The following GCFC2 variants were observed in gnomAD, a reference collection of about 807,000 sequenced individuals.
GCFC2 encodes GC-rich sequence DNA-binding factor 2, also known as intron Large complex component GCFC2.
GCFC2 carries 102 observed loss-of-function variants against 99.4 expected under a neutral mutation model. The observed-to-expected ratio is 1.03, with a 90% confidence interval of 0.87 to 1.21. GCFC2 has a LOEUF of 1.21. GCFC2 is among the 50% of genes most tolerant of loss of function. GCFC2 has a pLI of 0.00. For synonymous variants in GCFC2, 338 were observed against 316.8 expected, an observed-to-expected ratio of 1.07 and a Z score of -0.71; for missense variants, 973 against 920.9, an observed-to-expected ratio of 1.06 and a Z score of -0.73.
chr2:75,693,331 T>C (rs1680171056), intron 6 of GCFC2, among the ~76,000 whole-genome samples: 1 of 152,100 alleles, frequency 6.6e-6, no homozygotes, highest in Non-Finnish European at 1.5e-5. Flanking sequence ...TCCCAGCTAC[T>C]TGGGAGGCTG....
At chr2:75,706,699 A>C in intron 1 of GCFC2, 48 bp from the exon 2 acceptor site, 2 of 1,318,646 alleles carry the variant, frequency 1.5e-6, no homozygotes, top group Non-Finnish European at 2.2e-6. Context: ...AAAATAATGG[A>C]ATTATTAATT....
chr2:75,690,391 T>C, intron 8 of GCFC2: 1 of 509,570 alleles, frequency 2.0e-6, no homozygotes, highest in East Asian at 3.5e-5. Flanking sequence ...AGGACCGGTT[T>C]CTAGTTACAA....
At chr2:75,690,905 G>A (rs1182255948) in intron 7 of GCFC2, 186 bp from the exon 8 acceptor site, 6 of 465,616 alleles carry the variant, frequency 1.3e-5, no homozygotes, top group Admixed American at 1.3e-4. Context: ...AATATTAACA[G>A]GCATGAGGTT....
At chr2:75,672,758 A>T (rs1272589550) in intron 13 of GCFC2, among the ~76,000 whole-genome samples, 1 of 152,198 alleles carries the variant, frequency 6.6e-6, no homozygotes, top group East Asian at 1.9e-4. Context: ...ATATCCTGTG[A>T]GGTAGGCACT....
In GCFC2 at chr2:75,710,817, C is replaced by A. The variant is rs527397771; in HGVS notation, c.39G>T (p.Ala13=). The stretch of plus-strand genomic sequence containing the variant: ...CGCCATCGCTGTCGCTGGAATCAGC[C>A]GCGCGCTGCCGAAAAGTCCTTTTCG... ...HRPKRTFRQR[A]ADSSDSDGAE... The change falls in exon 1 of 17, where the codon GCG becomes GCT. Residue 13 remains alanine, a synonymous_variant. Transcript: ENST00000321027. The A allele has an allele frequency of 8.9e-6, 14 of 1,576,650 alleles. No individual in the cohort carries two copies. The Admixed American group carries it at 1.4e-4, about 16-fold the overall frequency.
chr2:75,690,143 C>A lies in GCFC2; in HGVS notation c.1227-62G>T, dbSNP rs575917831. 33 of 916,246 alleles carry A rather than the reference C, an allele frequency of 3.6e-5. No individual in the cohort carries two copies. The South Asian group carries it at 4.4e-4, about 12-fold the overall frequency. The allele number at this position is 916,246 out of a possible 1,614,324, so 56.8% of individuals were successfully genotyped here. On this transcript the variant is annotated intron_variant, in intron 8 of 16. Coordinates refer to ENST00000321027, the MANE Select transcript of GCFC2 (RefSeq NM_003203.5). Reference sequence around the variant, plus strand: ...AAGTAGTTCTTGCTGAAAATAAATGCCTAAATTTTTTTTAACCTCTTGCTG... The same window carrying A: ...AAGTAGTTCTTGCTGAAAATAAATGACTAAATTTTTTTTAACCTCTTGCTG...
intron 12 of GCFC2, among the ~76,000 whole-genome samples, chr2:75,678,917 A>G (rs1398633939): frequency 6.6e-6 from 1 of 151,372 alleles, no homozygotes; most frequent in African/African-American, 2.4e-5. Context: ...CTGGTCTTGA[A>G]CTCTTGGCCT....
At position 75,666,009 on chromosome 2, in the gene GCFC2, C is replaced by T. The variant is rs536899063; in HGVS notation, c.2148G>A (p.Met716Ile). ...TTTCTAGCTGTGGAATAGATGTCCT[C>T]ATGGCAGAATTTTCAAACCATTTTT... ...LPEKWFENSA[M>I]RTSIPQLENF... The change falls in exon 16 of 17, where the codon ATG (methionine) becomes ATA (isoleucine). Residue 716 changes from methionine (M) to isoleucine (I), a missense_variant. Met to Ile is a conservative substitution (Grantham distance 10). Coordinates refer to ENST00000321027, the MANE Select transcript of GCFC2 (RefSeq NM_003203.5). 44 of 1,605,196 alleles carry T rather than the reference C, an allele frequency of 2.7e-5. No homozygotes were observed. The highest frequency in any genetic ancestry group is 3.8e-5 in the Non-Finnish European group (44 of 1,173,084).
chr2:75,689,601 G>C (rs1268858697), intron 9 of GCFC2, among the ~76,000 whole-genome samples: 1 of 152,004 alleles, frequency 6.6e-6, no homozygotes, highest in Non-Finnish European at 1.5e-5. Context: ...CCAGAGCCTA[G>C]AATTTTTCAA....
chr2:75,664,558 C>T lies in GCFC2; in HGVS notation c.*108G>A, dbSNP rs77017723. The T allele has an allele frequency of 3.7e-4, 216 of 584,478 alleles. 4 individuals are homozygous for T. The East Asian group carries it at 6.0e-3, about 16-fold the overall frequency. The allele number at this position is 584,478 out of a possible 1,614,324, so 36.2% of individuals were successfully genotyped here. A position where few individuals can be genotyped will look rare whatever the true frequency, so the allele number is the denominator to read the frequency against. ...GTGGAGTCCTGCTTTTTTTCAAATC[C>T]TACCTTCTATTACAGGGAATAAAGA... On this transcript the variant is annotated 3_prime_UTR_variant, in exon 17 of 17. Coordinates refer to ENST00000321027, the MANE Select transcript of GCFC2 (RefSeq NM_003203.5).
chr2:75,683,771 C>CAAAAAAAAAAA (rs749580096), intron 11 of GCFC2, among the ~76,000 whole-genome samples: 5 of 60,396 alleles, frequency 8.3e-5, no homozygotes, highest in African/African-American at 1.9e-4. Context: ...AAATGGAAAG[C>CAAAAAAAAAAA]AAAAAAAAAA....
intron 12 of GCFC2, among the ~76,000 whole-genome samples, chr2:75,677,870 C>A (rs139090197): frequency 2.0e-5 from 3 of 151,450 alleles, no homozygotes; most frequent in African/African-American, 7.3e-5. Context: ...CCCAGCTACT[C>A]GGGAGGCTGA....
chr2:75,707,926 G>T (rs1210850544), intron 1 of GCFC2, among the ~76,000 whole-genome samples: 1 of 152,100 alleles, frequency 6.6e-6, no homozygotes, highest in Admixed American at 6.5e-5. Flanking sequence ...TTAAAAAATT[G>T]TTATTTTATT....
intron 4 of GCFC2, among the ~76,000 whole-genome samples, chr2:75,699,400 T>C (rs1441371291): frequency 6.6e-6 from 1 of 152,212 alleles, no homozygotes; most frequent in African/African-American, 2.4e-5. Flanking sequence ...AACATCTCCA[T>C]GAATGAGAAA....
intron 6 of GCFC2, among the ~76,000 whole-genome samples, chr2:75,693,018 G>A (rs1027593320): frequency 6.6e-6 from 1 of 152,046 alleles, no homozygotes; most frequent in Non-Finnish European, 1.5e-5. Context: ...AATTTTTCAA[G>A]GGCAAATGAA....
rs1411306472 is a variant in GCFC2, at chr2:75,710,764, GC to G, written c.91del (p.Ala31ArgfsTer140). On this transcript the variant is annotated frameshift_variant, in exon 1 of 17. Coordinates refer to ENST00000321027, the MANE Select transcript of GCFC2 (RefSeq NM_003203.5). LOFTEE classifies it high-confidence loss of function. Reference sequence around the variant, plus strand: ...ACCCGGGACCGGAAGTTCCCTCGGCGCCCCAGGCTCAGCAGGCGACTCCTCG... The same window carrying G: ...ACCCGGGACCGGAAGTTCCCTCGGCGCCCAGGCTCAGCAGGCGACTCCTCG... ...GAEESPAEPG[A>X]PRELPVPGSA... The G allele has an allele frequency of 6.4e-7, 1 of 1,569,340 alleles. No homozygotes were observed.
At chr2:75,688,793 C>A (rs1381537378) in intron 10 of GCFC2, among the ~76,000 whole-genome samples, 1 of 143,776 alleles carries the variant, frequency 7.0e-6, no homozygotes, top group Non-Finnish European at 1.6e-5. Flanking sequence ...GTACAAGAAG[C>A]TAAAAAAAAA....
At chr2:75,702,598 TAG>T (rs1176460709) in intron 2 of GCFC2, among the ~76,000 whole-genome samples, 175 bp from the exon 3 acceptor site, 1 of 152,204 alleles carries the variant, frequency 6.6e-6, no homozygotes, top group Non-Finnish European at 1.5e-5. Context: ...GAAAACTTAA[TAG>T]AGATTAAATA....
At position 75,691,997 on chromosome 2, in the gene GCFC2, G is replaced by A. The variant is rs370930629; in HGVS notation, c.1124C>T (p.Thr375Met). The A allele has an allele frequency of 1.7e-5, 26 of 1,541,422 alleles. No homozygotes were observed. Among genetic ancestry groups the A allele is most frequent in the Middle Eastern group, 1.7e-4 (1 of 5,770 alleles). The change falls in exon 7 of 17, where the codon ACG (threonine) becomes ATG (methionine). Residue 375 changes from threonine (T) to methionine (M), a missense_variant. Transcript: ENST00000321027. ...RRQDELKHES[T>M]YLQQLSRKDE... The stretch of plus-strand genomic sequence containing the variant: ...CTAACGTGATAACTGTTGTAAATAC[G>A]TTGATTCATGTTTTAATTCATCTTG...
Sources: allele counts gnomAD v4.1 joint callset (sites outside exome capture counted in the v4.1 genomes callset), GRCh38; gene constraint gnomAD v4.1.1; transcripts MANE v1.5; gene names NCBI Gene and HGNC (gene_info 2026-07-23, HGNC 2026-07-21).